Variants in SERGEF observed in about 807,000 individuals in gnomAD.
The protein encoded by SERGEF is secretion regulating guanine nucleotide exchange factor.
Under a neutral mutation model 50.0 loss-of-function variants are expected in SERGEF, and 51 were observed. The observed-to-expected ratio is 1.02, with a 90% CI of 0.81 to 1.29. The LOEUF is 1.29. Ranked by LOEUF, SERGEF falls within the 50% of genes most tolerant of loss-of-function variation. The probability of loss-of-function intolerance (pLI) is 0.00; values close to 1 mark genes in which losing one functional copy is unlikely to be tolerated. For missense variants in SERGEF, 521 were observed against 557.0 expected, an observed-to-expected ratio of 0.94 and a Z score of 0.65; for synonymous variants, 205 against 212.4, an observed-to-expected ratio of 0.97 and a Z score of 0.30.
At chr11:17,898,268 C>T (rs1440810877) in intron 9 of SERGEF, among the ~76,000 whole-genome samples, 1 of 152,142 alleles carries the variant, frequency 6.6e-6, no homozygotes. Context: ...TCACCCTCTG[C>T]CACACACAGC....
At chr11:17,912,031 G>A (rs1407221211) in intron 9 of SERGEF, among the ~76,000 whole-genome samples, 1 of 152,196 alleles carries the variant, frequency 6.6e-6, no homozygotes, top group East Asian at 1.9e-4. Flanking sequence ...GGCTTGGTAA[G>A]TGGAGGTGGG....
intron 9 of SERGEF, among the ~76,000 whole-genome samples, chr11:17,958,865 T>A (rs1235287899): frequency 6.6e-6 from 1 of 152,120 alleles, no homozygotes; most frequent in African/African-American, 2.4e-5. Context: ...TTGTTTTTTT[T>A]GTTTTTGTTT....
chr11:17,788,058 A>G lies in SERGEF; in HGVS notation c.*27T>C, dbSNP rs1415801492. On this transcript the variant is annotated 3_prime_UTR_variant, in exon 11 of 11. Transcript: ENST00000265965. ...ATTCTCTGGGAAGGCTTTTGGTGGG[A>G]AAAGCCACTTTATTAAAGATTCTCT... 3 of 1,492,856 alleles carry G rather than the reference A, an allele frequency of 2.0e-6. No individual in the cohort carries two copies. Among genetic ancestry groups the G allele is most frequent in the Admixed American group, 2.3e-5 (1 of 43,946 alleles). The allele number at this position is 1,492,856 out of a possible 1,614,324, so 92.5% of individuals were successfully genotyped here. A position where few individuals can be genotyped will look rare whatever the true frequency, so the allele number is the denominator to read the frequency against.
chr11:17,846,880 T>C, intron 10 of SERGEF: 1 of 402,514 alleles, frequency 2.5e-6, no homozygotes, highest in Admixed American at 2.7e-5. Context: ...GATTCTAATC[T>C]CCTGAGGAAG....
chr11:17,950,644 G>A (rs867445330), intron 9 of SERGEF, among the ~76,000 whole-genome samples: 1 of 152,104 alleles, frequency 6.6e-6, no homozygotes, highest in Non-Finnish European at 1.5e-5. Context: ...AGAAATGGAG[G>A]TAGTTTTAGT....
At chr11:17,984,735 A>G (rs1853560639) in intron 8 of SERGEF, among the ~76,000 whole-genome samples, 1 of 152,200 alleles carries the variant, frequency 6.6e-6, no homozygotes, top group African/African-American at 2.4e-5. Context: ...GTAGGTTAAG[A>G]GAGCTAAGAT....
intron 9 of SERGEF, among the ~76,000 whole-genome samples, chr11:17,950,839 G>A (rs1029663659): frequency 6.6e-6 from 1 of 152,184 alleles, no homozygotes; most frequent in African/African-American, 2.4e-5. Flanking sequence ...AAGACAGCTG[G>A]TCAGCTCCAG....
chr11:18,012,900 C>T (rs1854229034), intron 1 of SERGEF, 51 bp downstream of exon 1: 3 of 1,535,756 alleles, frequency 2.0e-6, no homozygotes, highest in African/African-American at 1.4e-5. Flanking sequence ...GCAGCTCCCA[C>T]ATCTCGGCGC....
At chr11:17,969,565 A>G (rs1159479517) in intron 8 of SERGEF, among the ~76,000 whole-genome samples, 3 of 152,160 alleles carry the variant, frequency 2.0e-5, no homozygotes. Flanking sequence ...GCCAAGCAGC[A>G]AGTCTAATCC....
intron 8 of SERGEF, among the ~76,000 whole-genome samples, chr11:17,974,930 G>A (rs983901884): frequency 9.9e-5 from 15 of 152,228 alleles, no homozygotes; most frequent in Admixed American, 8.5e-4. Flanking sequence ...TGACTCTGGG[G>A]CTGGCTGGGG....
intron 10 of SERGEF, chr11:17,854,711 T>C (rs1373614119): frequency 6.6e-6 from 1 of 152,068 alleles, no homozygotes; most frequent in East Asian, 1.9e-4. Flanking sequence ...TCTGTTTCTC[T>C]AGTTGAACCT....
chr11:17,809,048 G>T (rs1269874432), intron 10 of SERGEF, among the ~76,000 whole-genome samples: 5 of 152,188 alleles, frequency 3.3e-5, no homozygotes, highest in Admixed American at 6.5e-5. Context: ...GTCTTACTTG[G>T]TAGATATCAT....
At chr11:17,852,688 G>C (rs1850735626) in intron 10 of SERGEF, among the ~76,000 whole-genome samples, 3 of 152,182 alleles carry the variant, frequency 2.0e-5, no homozygotes, top group South Asian at 4.1e-4. Flanking sequence ...CAAAGAAGTA[G>C]GTACAGATGC....
intron 9 of SERGEF, among the ~76,000 whole-genome samples, chr11:17,913,212 A>T (rs1278376004): frequency 2.0e-5 from 3 of 152,240 alleles, no homozygotes; most frequent in Non-Finnish European, 4.4e-5. Flanking sequence ...CTGTATCAGC[A>T]ATACTAGACC....
chr11:17,836,001 G>T (rs1274727074), intron 10 of SERGEF, among the ~76,000 whole-genome samples: 6 of 152,232 alleles, frequency 3.9e-5, no homozygotes, highest in Non-Finnish European at 8.8e-5. Flanking sequence ...CTGAGAGAAT[G>T]AAAATTTAAG....
chr11:17,798,544 G>A (rs898287887), intron 10 of SERGEF, among the ~76,000 whole-genome samples: 11 of 152,254 alleles, frequency 7.2e-5, no homozygotes, highest in African/African-American at 9.6e-5. Context: ...CAGTGAGAGC[G>A]TGCTGTGGCA....
Position 17,870,186 on chromosome 11 carries a change from C to T in SERGEF, c.1048+8022G>A, listed in dbSNP as rs61882418. Among the ~76,000 whole-genome samples, 1,053 of 152,256 alleles carry T rather than the reference C, an allele frequency of 6.9e-3. 24 individuals carry two copies. Among genetic ancestry groups the T allele is most frequent in the East Asian group, 0.034 (175 of 5,188 alleles). On this transcript the variant is annotated intron_variant, in intron 10 of 10. Transcript: ENST00000265965. Reference sequence around the variant, plus strand: ...TCCACCATGATTGTAAGTTTCCTGACGCCTCCCCAGCCACACTGAACTGTG... The same window carrying T: ...TCCACCATGATTGTAAGTTTCCTGATGCCTCCCCAGCCACACTGAACTGTG...
intron 10 of SERGEF, among the ~76,000 whole-genome samples, chr11:17,844,349 TA>T (rs1850561281): frequency 6.6e-6 from 1 of 152,188 alleles, no homozygotes; most frequent in Non-Finnish European, 1.5e-5. Context: ...TTTATAAAAA[TA>T]AAGCTTGGAA....
intron 10 of SERGEF, among the ~76,000 whole-genome samples, chr11:17,803,049 G>T (rs1849699386): frequency 6.6e-6 from 1 of 152,246 alleles, no homozygotes; most frequent in African/African-American, 2.4e-5. Context: ...CCCAGGAGGG[G>T]CTCATTCCCT....
Sources: allele counts gnomAD v4.1 joint callset (sites outside exome capture counted in the v4.1 genomes callset), GRCh38; gene constraint gnomAD v4.1.1; transcripts MANE v1.5; gene names NCBI Gene and HGNC (gene_info 2026-07-23, HGNC 2026-07-21).